ADAMTS17: variants seen among roughly 807,000 people sequenced by gnomAD.
ADAMTS17 encodes ADAM metallopeptidase with thrombospondin type 1 motif 17.
A neutral mutation model predicts 141.5 loss-of-function variants in ADAMTS17; 113 were observed. The observed-to-expected ratio is 0.80, with a 90% CI of 0.69 to 0.93. The LOEUF (loss-of-function observed/expected upper bound fraction) is 0.93, where lower values mean the gene tolerates loss of function less well. Ranked by LOEUF, ADAMTS17 falls within the 40% of genes least tolerant of loss-of-function variation. ADAMTS17 has a pLI of 0.00. For missense variants in ADAMTS17, 1,659 were observed against 1,517.9 expected (o/e 1.09, Z -1.54); for synonymous variants, 768 against 630.6 (o/e 1.22, Z -3.27).
At chr15:100,245,897 G>A (rs553062460) in intron 7 of ADAMTS17, among the ~76,000 whole-genome samples, 15 of 152,298 alleles carry the variant, frequency 9.8e-5, no homozygotes, top group Admixed American at 2.6e-4. Context: ...GTGTGTGTAC[G>A]TGTGTACATA....
chr15:100,106,188 A>G (rs2036404771), intron 14 of ADAMTS17, among the ~76,000 whole-genome samples: 1 of 152,118 alleles, frequency 6.6e-6, no homozygotes. Flanking sequence ...CCATGGGAGG[A>G]CACAGAGTGG....
chr15:100,162,520 GCA>G (rs1304955283), intron 8 of ADAMTS17, among the ~76,000 whole-genome samples: 1 of 85,424 alleles, frequency 1.2e-5, no homozygotes, highest in African/African-American at 4.7e-5. Context: ...GTATATATAT[GCA>G]CATATACACA....
intron 4 of ADAMTS17, among the ~76,000 whole-genome samples, chr15:100,280,983 C>G (rs2044260344): frequency 6.6e-6 from 1 of 152,144 alleles, no homozygotes; most frequent in Non-Finnish European, 1.5e-5. Flanking sequence ...ACAAGTGGCC[C>G]CATCACTGAG....
rs745917164 is a variant in ADAMTS17 at position 100,341,845 on chromosome 15, CCAG to C, written c.52_54del (p.Leu18del). On this transcript the variant is annotated inframe_deletion, in exon 1 of 22. Coordinates refer to ENST00000268070, the MANE Select transcript of ADAMTS17 (RefSeq NM_139057.4). ...CCTGTGCCCGGGTCCAGTCCCCAAA[CCAG>C]CAGCAGCAGCACGGGCAGGACGAGC... 3.2e-6 allele frequency: 5 copies of C among 1,552,574 alleles called. No homozygotes were observed. Among genetic ancestry groups the C allele is most frequent in the Admixed American group, 1.9e-5 (1 of 51,304 alleles).
intron 7 of ADAMTS17, among the ~76,000 whole-genome samples, chr15:100,241,652 T>TCA (rs2042831205): frequency 6.6e-6 from 1 of 152,172 alleles, no homozygotes; most frequent in Non-Finnish European, 1.5e-5. Flanking sequence ...ATAGCTCGTA[T>TCA]CACTTCCACC....
In ADAMTS17 at chr15:100,042,869, G is replaced by A. The variant is rs554468079; in HGVS notation, c.2591+5988C>T. On this transcript the variant is annotated intron_variant, in intron 18 of 21. Coordinates refer to ENST00000268070, the MANE Select transcript of ADAMTS17 (RefSeq NM_139057.4). ...CTTTTAATATTTTTGGGCAATGGTT[G>A]ACCACGGGTAACTGAAACCACAGAA... is the stretch of plus-strand genomic sequence containing the variant. 2.6e-5 allele frequency among the ~76,000 whole-genome samples: 4 copies of A among 152,302 alleles called. No homozygotes were observed. In the South Asian group the frequency reaches 8.3e-4, roughly 32 times the overall value.
At chr15:100,293,449 T>C (rs909453327) in intron 3 of ADAMTS17, among the ~76,000 whole-genome samples, 2 of 152,208 alleles carry the variant, frequency 1.3e-5, no homozygotes, top group African/African-American at 4.8e-5. Context: ...GATAATGCTT[T>C]TTTTTCTGTA....
intron 8 of ADAMTS17, among the ~76,000 whole-genome samples, chr15:100,198,418 C>T (rs2041201369): frequency 6.6e-6 from 1 of 152,180 alleles, no homozygotes; most frequent in African/African-American, 2.4e-5. Context: ...ACTTGAGATT[C>T]CAGGCATCTT....
intron 4 of ADAMTS17, among the ~76,000 whole-genome samples, chr15:100,263,910 C>A (rs1219540102): frequency 6.6e-6 from 1 of 152,212 alleles, no homozygotes; most frequent in South Asian, 2.1e-4. Context: ...CCAGGGTCAA[C>A]TCAGGCCGAG....
rs1191503308 is a variant in ADAMTS17 at position 99,977,382 on chromosome 15, A to C, written c.2950-1160T>G. 1.4e-4 allele frequency among the ~76,000 whole-genome samples: 3 copies of C among 20,926 alleles called. 1 individual carries two copies. Among genetic ancestry groups the C allele is most frequent in the Non-Finnish European group, 2.5e-4 (3 of 11,930 alleles). 13.7% of individuals were successfully genotyped at this position (20,926 alleles called of 152,430 possible). On this transcript the variant is annotated intron_variant, in intron 20 of 21. Transcript: ENST00000268070. ...TATATATATATATATATATATATAT[A>C]TATATATATATATATATAATTTTTT...
chr15:100,073,447 T>C (rs1290157845), intron 15 of ADAMTS17, among the ~76,000 whole-genome samples: 1 of 152,078 alleles, frequency 6.6e-6, no homozygotes, highest in South Asian at 2.1e-4. Context: ...CATGCTGTTA[T>C]AAAGACACAT....
At chr15:100,109,507 C>T (rs144795807) in intron 13 of ADAMTS17, among the ~76,000 whole-genome samples, 54 of 148,718 alleles carry the variant, frequency 3.6e-4, no homozygotes, top group African/African-American at 1.2e-3. Flanking sequence ...GGAAGGGGAA[C>T]GAGAATGCCT....
At chr15:100,083,928 C>T (rs570817691) in intron 15 of ADAMTS17, among the ~76,000 whole-genome samples, 67 of 151,954 alleles carry the variant, frequency 4.4e-4, no homozygotes, top group Non-Finnish European at 7.4e-4. Flanking sequence ...ATGAAGAAGA[C>T]GGGTGATTTC....
chr15:100,281,137 C>T, intron 4 of ADAMTS17, 92 bp downstream of exon 4: 2 of 1,546,290 alleles, frequency 1.3e-6, no homozygotes, highest in South Asian at 1.1e-5. Flanking sequence ...GTCTTCCTCA[C>T]TTGAGGAGAT....
At chr15:100,079,107 A>C (rs1222223260) in intron 15 of ADAMTS17, among the ~76,000 whole-genome samples, 1 of 152,230 alleles carries the variant, frequency 6.6e-6, no homozygotes, top group African/African-American at 2.4e-5. Context: ...CTGCTACCAG[A>C]AACGTAAAGT....
chr15:100,162,091 G>A (rs1177468814), intron 8 of ADAMTS17, among the ~76,000 whole-genome samples: 1 of 152,136 alleles, frequency 6.6e-6, no homozygotes, highest in East Asian at 1.9e-4. Flanking sequence ...TATAGTGTTG[G>A]TGTTCAGTGT....
At chr15:100,341,634 A>G (rs923340753) in intron 1 of ADAMTS17, among the ~76,000 whole-genome samples, 187 bp downstream of exon 1, 1 of 150,338 alleles carries the variant, frequency 6.7e-6, no homozygotes, top group Non-Finnish European at 1.5e-5. Flanking sequence ...GCGAGCGGAG[A>G]CCCGGCGGCG....
At chr15:100,215,170 G>C (rs928761036) in intron 7 of ADAMTS17, among the ~76,000 whole-genome samples, 1 of 152,232 alleles carries the variant, frequency 6.6e-6, no homozygotes, top group African/African-American at 2.4e-5. Context: ...GAACGCAGTA[G>C]CAATACTAAA....
intron 3 of ADAMTS17, among the ~76,000 whole-genome samples, chr15:100,307,220 G>C (rs1165534890): frequency 2.0e-5 from 3 of 152,166 alleles, no homozygotes; most frequent in Non-Finnish European, 4.4e-5. Context: ...TTATAGGACA[G>C]GAAAAAAGAC....
Sources: gnomAD v4.1 joint callset for allele counts (sites outside exome capture counted in the v4.1 genomes callset) on GRCh38, gnomAD v4.1.1 for gene constraint, MANE v1.5 for transcripts, NCBI Gene and HGNC (gene_info 2026-07-23, HGNC 2026-07-21) for gene names.